ARHGAP23: variants seen among roughly 807,000 people sequenced by gnomAD.
ARHGAP23 encodes the protein Rho GTPase activating protein 23.
A neutral mutation model predicts 136.3 loss-of-function variants in ARHGAP23; 34 were observed. That is an observed-to-expected ratio of 0.25 (90% CI 0.19 to 0.33). The LOEUF is 0.33. ARHGAP23 is among the 10% of genes least tolerant of loss of function. The probability of loss-of-function intolerance (pLI) is 1.00; values close to 1 mark genes in which losing one functional copy is unlikely to be tolerated. For synonymous variants in ARHGAP23, 832 were observed against 920.5 expected, an observed-to-expected ratio of 0.90 and a Z score of 1.74; for missense variants, 1,808 against 2,139.0, an observed-to-expected ratio of 0.85 and a Z score of 3.05.
intron 1 of ARHGAP23, among the ~76,000 whole-genome samples, chr17:38,433,577 A>G (rs1741876301): frequency 6.6e-6 from 1 of 152,222 alleles, no homozygotes; most frequent in South Asian, 2.1e-4. Flanking sequence ...GGCTTGGCAC[A>G]GGAAACTTTA....
At chr17:38,439,777 CTT>C (rs200647606) in intron 1 of ARHGAP23, among the ~76,000 whole-genome samples, 38 of 145,474 alleles carry the variant, frequency 2.6e-4, no homozygotes, top group Middle Eastern at 3.6e-3. Context: ...TGCTTAGGAA[CTT>C]TTTTTTTTTT....
chr17:38,490,465 C>T lies in ARHGAP23; in HGVS notation c.3064C>T (p.Arg1022Trp), dbSNP rs778586642. The change falls in exon 19 of 24, where the codon CGG becomes TGG. Residue 1022 changes from arginine (R) to tryptophan (W), a missense_variant. Coordinates refer to ENST00000622683, the MANE Select transcript of ARHGAP23 (RefSeq NM_001199417.2). ...ERMRTLRKLI[R>W]DLPGHYYETL... The stretch of plus-strand genomic sequence containing the variant: ...GCCCCTCCTCTCTCCTGCTCAGATC[C>T]GGGATCTCCCAGGACACTACTATGA... 32 of 1,547,800 alleles carry T rather than the reference C, an allele frequency of 2.1e-5. No individual in the cohort carries two copies. Among genetic ancestry groups the T allele is most frequent in the African/African-American group, 4.1e-5 (3 of 72,948 alleles).
chr17:38,458,399 C>T, intron 2 of ARHGAP23, 136 bp downstream of exon 2: 4 of 1,223,984 alleles, frequency 3.3e-6, no homozygotes, highest in Non-Finnish European at 4.4e-6. Context: ...TGACTCCCTT[C>T]TGCTGTGGCC....
At chr17:38,475,737 G>A (rs117920409) in intron 11 of ARHGAP23, among the ~76,000 whole-genome samples, 1,666 of 152,340 alleles carry the variant, frequency 0.011, 11 homozygotes, top group Non-Finnish European at 0.017. Context: ...TGCTGCTGCT[G>A]TAGGCCCTGG....
chr17:38,454,960 G>T (rs1052109824), intron 1 of ARHGAP23, among the ~76,000 whole-genome samples: 4 of 152,194 alleles, frequency 2.6e-5, no homozygotes, highest in Admixed American at 2.6e-4. Context: ...ATAGATCCAG[G>T]CCAGGAGAAT....
intron 23 of ARHGAP23, 127 bp downstream of exon 23, chr17:38,500,755 G>A (rs1417759195): frequency 1.1e-6 from 1 of 905,706 alleles, no homozygotes; most frequent in African/African-American, 1.7e-5. Context: ...GGGAGGGAAG[G>A]CAGGAGGTAC....
chr17:38,474,917 A>G (rs1262947610), intron 11 of ARHGAP23, among the ~76,000 whole-genome samples: 1 of 152,146 alleles, frequency 6.6e-6, no homozygotes, highest in African/African-American at 2.4e-5. Context: ...AGCCACATGA[A>G]GGGTCCTTGT....
chr17:38,494,883 G>A (rs374981995), intron 20 of ARHGAP23, among the ~76,000 whole-genome samples: 16 of 152,300 alleles, frequency 1.1e-4, no homozygotes, highest in Admixed American at 3.3e-4. Flanking sequence ...GTGGCCACCC[G>A]GGCGCTTCCT....
chr17:38,433,129 T>C (rs1405124500), intron 1 of ARHGAP23, among the ~76,000 whole-genome samples: 1 of 152,090 alleles, frequency 6.6e-6, no homozygotes, highest in Non-Finnish European at 1.5e-5. Context: ...ATTTTTCCAT[T>C]TTGTATTTTT....
chr17:38,498,469 C>T lies in ARHGAP23; in HGVS notation c.3374C>T (p.Pro1125Leu). 1 of 1,548,762 alleles carries T rather than the reference C, an allele frequency of 6.5e-7. No homozygotes were observed. Among genetic ancestry groups the T allele is most frequent in the South Asian group, 1.2e-5 (1 of 83,920 alleles). Residue 1125 changes from proline to leucine, a missense_variant, in exon 22 of 24, where the codon CCC becomes CTC. By Grantham distance (98) the Pro-to-Leu change is moderately conservative. Transcript: ENST00000622683. ...QAVPNIEYLL[P>L]NIGRTVPPGD... The stretch of plus-strand genomic sequence containing the variant: ...GTGCCCAACATTGAGTACCTCCTGC[C>T]CAACATTGGCAGGACAGTGCCCCCT...
chr17:38,448,641 G>GT (rs11327949), intron 1 of ARHGAP23, among the ~76,000 whole-genome samples: 15,553 of 106,124 alleles, frequency 0.15, 1,758 homozygotes, highest in African/African-American at 0.31. Flanking sequence ...AACTTGGGGA[G>GT]TTTTTTTTTT....
chr17:38,497,398 C>T (rs9898252), intron 20 of ARHGAP23, among the ~76,000 whole-genome samples: 28,187 of 152,234 alleles, frequency 0.19, 2,776 homozygotes, highest in East Asian at 0.36. Context: ...CCAACACTAA[C>T]GGCACTGGTG....
At chr17:38,457,754 G>A in intron 1 of ARHGAP23, 1 of 372,144 alleles carries the variant, frequency 2.7e-6, no homozygotes, top group Non-Finnish European at 4.9e-6. Context: ...TTCCTGGGCA[G>A]GAAGGCTGTA....
intron 3 of ARHGAP23, 88 bp from the exon 4 acceptor site, chr17:38,462,756 TTC>T: frequency 2.1e-6 from 2 of 931,476 alleles, no homozygotes; most frequent in Non-Finnish European, 3.1e-6. Context: ...AGTGCAATCA[TTC>T]TCTGAGTGTG....
chr17:38,436,054 A>G (rs898097585), intron 1 of ARHGAP23, among the ~76,000 whole-genome samples: 1 of 152,192 alleles, frequency 6.6e-6, no homozygotes, highest in Non-Finnish European at 1.5e-5. Context: ...GCTGAGCTTC[A>G]TTAGCTCTAA....
intron 23 of ARHGAP23, among the ~76,000 whole-genome samples, chr17:38,507,933 G>C (rs2040671153): frequency 6.6e-6 from 1 of 152,272 alleles, no homozygotes; most frequent in Admixed American, 6.5e-5. Context: ...TGGTCTGTGA[G>C]GAGGGGTTGA....
rs536991197 is a variant in ARHGAP23, at chr17:38,486,908, A to G, written c.2986+768A>G. On this transcript the variant is annotated intron_variant, in intron 17 of 23. Coordinates refer to ENST00000622683, the MANE Select transcript of ARHGAP23 (RefSeq NM_001199417.2). Reference sequence around the variant, plus strand: ...GTTGTGTTTCTCTCCTGGCCCTCTTATATGCATGGCAGAGATACACACGTG... The same window carrying G: ...GTTGTGTTTCTCTCCTGGCCCTCTTGTATGCATGGCAGAGATACACACGTG... Among the ~76,000 whole-genome samples the G allele has an allele frequency of 3.3e-5, 5 of 152,266 alleles. No individual in the cohort carries two copies. The East Asian group carries it at 9.6e-4, about 29-fold the overall frequency.
chr17:38,473,111 T>G (rs1020591305), intron 11 of ARHGAP23, among the ~76,000 whole-genome samples: 9 of 151,324 alleles, frequency 5.9e-5, no homozygotes, highest in African/African-American at 2.2e-4. Flanking sequence ...TAATTTTTTT[T>G]TTTTTTTTTT....
chr17:38,505,071 C>CA (rs1157431635), intron 23 of ARHGAP23, among the ~76,000 whole-genome samples: 13 of 132,550 alleles, frequency 9.8e-5, no homozygotes, highest in Non-Finnish European at 1.7e-4. Context: ...GTGGCCTGAA[C>CA]ACAGCTCACT....
Sources: gnomAD v4.1 joint callset for allele counts (sites outside exome capture counted in the v4.1 genomes callset) on GRCh38, gnomAD v4.1.1 for gene constraint, MANE v1.5 for transcripts, NCBI Gene and HGNC (gene_info 2026-07-23, HGNC 2026-07-21) for gene names.